The following CNOT4 variants were observed in gnomAD, a reference collection of about 807,000 sequenced individuals.
CNOT4 encodes the protein CCR4-NOT transcription complex subunit 4.
Under a neutral mutation model 73.8 loss-of-function variants are expected in CNOT4, and 8 were observed. The ratio of observed to expected loss-of-function variants is 0.11; its 90% CI spans 0.06 to 0.20. The LOEUF (loss-of-function observed/expected upper bound fraction) is 0.20, where lower values mean the gene tolerates loss of function less well. CNOT4 is among the 10% of genes least tolerant of loss of function. The pLI is 1.00. For synonymous variants in CNOT4, 293 were observed against 321.1 expected (o/e 0.91, Z 0.94); for missense variants, 564 against 883.4 (o/e 0.64, Z 4.58).
intron 1 of CNOT4, among the ~76,000 whole-genome samples, chr7:135,449,596 T>C (rs1258218948): frequency 6.6e-6 from 1 of 151,754 alleles, no homozygotes; most frequent in Non-Finnish European, 1.5e-5. Flanking sequence ...ATAATTAGAG[T>C]AACAGCAAGT....
intron 1 of CNOT4, among the ~76,000 whole-genome samples, chr7:135,463,905 A>G (rs1801048083): frequency 6.6e-6 from 1 of 151,982 alleles, no homozygotes; most frequent in Non-Finnish European, 1.5e-5. Flanking sequence ...GAAGACATAT[A>G]TGCCACCAAG....
chr7:135,469,997 A>G (rs573787153), intron 1 of CNOT4, among the ~76,000 whole-genome samples: 1 of 151,964 alleles, frequency 6.6e-6, no homozygotes, highest in East Asian at 1.9e-4. Context: ...AATTTTTTGT[A>G]TTTTTAGTAG....
At chr7:135,384,721 G>A (rs370170500) in intron 10 of CNOT4, 5 of 765,148 alleles carry the variant, frequency 6.5e-6, no homozygotes, top group Non-Finnish European at 1.2e-5. Flanking sequence ...AATTGGCTCT[G>A]TAAGGTCTGC....
At chr7:135,496,094 G>GT (rs1200201385) in intron 1 of CNOT4, among the ~76,000 whole-genome samples, 3 of 151,984 alleles carry the variant, frequency 2.0e-5, no homozygotes, top group East Asian at 1.9e-4. Context: ...AATAGTTTTT[G>GT]TTTTTTTGTT....
In CNOT4 at chr7:135,467,998, G is replaced by A. The variant is rs138567145; in HGVS notation, c.-92-29575C>T. Among the ~76,000 whole-genome samples the A allele has an allele frequency of 2.2e-3, 335 of 151,812 alleles. 1 individual carries two copies. The highest frequency in any genetic ancestry group is 7.1e-3 in the African/African-American group (296 of 41,444). On this transcript the variant is annotated intron_variant, in intron 1 of 11. Transcript: ENST00000541284. ...TGGGAGCTCGAGACGGGCGGCTCACGAGGTCAGAAGATTGAGACCATCCTG... is the reference window on the plus strand; with the variant it reads ...TGGGAGCTCGAGACGGGCGGCTCACAAGGTCAGAAGATTGAGACCATCCTG...
At chr7:135,500,863 G>T (rs993429080) in intron 1 of CNOT4, among the ~76,000 whole-genome samples, 5 of 152,030 alleles carry the variant, frequency 3.3e-5, no homozygotes, top group African/African-American at 1.2e-4. Context: ...TTTTACAAAT[G>T]AAGTATGTTC....
intron 10 of CNOT4, among the ~76,000 whole-genome samples, chr7:135,371,046 C>G (rs1032617242): frequency 6.6e-6 from 1 of 152,180 alleles, no homozygotes; most frequent in Non-Finnish European, 1.5e-5. Context: ...ACCCATTTTT[C>G]TACTTCAGCC....
intron 10 of CNOT4, among the ~76,000 whole-genome samples, chr7:135,369,825 G>A (rs1426548071): frequency 6.6e-6 from 1 of 152,152 alleles, no homozygotes; most frequent in Non-Finnish European, 1.5e-5. Flanking sequence ...TTTGAACAAA[G>A]TCTAAACTTC....
At chr7:135,386,238 A>G (rs771314423) in intron 10 of CNOT4, 10 of 151,810 alleles carry the variant, frequency 6.6e-5, no homozygotes, top group Non-Finnish European at 1.0e-4. Flanking sequence ...CTAGAAAAAA[A>G]TGGACATATG....
intron 10 of CNOT4, chr7:135,386,971 A>G: frequency 1.9e-6 from 1 of 522,944 alleles, no homozygotes. Context: ...AAAGGCTAAC[A>G]CTGAATGCTG....
chr7:135,495,718 G>A (rs552649289), intron 1 of CNOT4, among the ~76,000 whole-genome samples: 9 of 79,264 alleles, frequency 1.1e-4, no homozygotes, highest in Non-Finnish European at 1.8e-4. Flanking sequence ...AAGAAAGAAA[G>A]AAAGAAAGAA....
intron 1 of CNOT4, among the ~76,000 whole-genome samples, chr7:135,492,894 T>C (rs909290402): frequency 1.3e-5 from 2 of 152,134 alleles, no homozygotes; most frequent in African/African-American, 4.8e-5. Flanking sequence ...ACCATAGTGA[T>C]ATATATTGAA....
At chr7:135,438,048 A>T (rs950395012) in intron 2 of CNOT4, 110 bp downstream of exon 2, 6 of 574,404 alleles carry the variant, frequency 1.0e-5, no homozygotes, top group Non-Finnish European at 1.9e-5. Context: ...ATAAAATAAT[A>T]TAATCAGGTG....
chr7:135,504,187 T>C (rs1051000870), intron 1 of CNOT4, among the ~76,000 whole-genome samples: 4 of 152,176 alleles, frequency 2.6e-5, no homozygotes, highest in African/African-American at 7.2e-5. Context: ...TATTAAGAAA[T>C]GCTCCACCCC....
At chr7:135,477,139 C>T (rs142186250) in intron 1 of CNOT4, among the ~76,000 whole-genome samples, 181 of 152,132 alleles carry the variant, frequency 1.2e-3, no homozygotes, top group African/African-American at 4.0e-3. Context: ...GTCAGGAGTT[C>T]GAGGCCAGCC....
At chr7:135,504,918 G>A (rs1286861426) in intron 1 of CNOT4, among the ~76,000 whole-genome samples, 7 of 152,156 alleles carry the variant, frequency 4.6e-5, no homozygotes, top group African/African-American at 1.2e-4. Flanking sequence ...GTGAGCCACC[G>A]TGCCCGGTCA....
At chr7:135,474,844 T>C (rs144254026) in intron 1 of CNOT4, among the ~76,000 whole-genome samples, 1 of 152,220 alleles carries the variant, frequency 6.6e-6, no homozygotes, top group Non-Finnish European at 1.5e-5. Context: ...ACACTGCTGA[T>C]GACATTACAA....
chr7:135,408,767 G>A (rs1389197674), intron 7 of CNOT4, among the ~76,000 whole-genome samples: 3 of 152,134 alleles, frequency 2.0e-5, no homozygotes, highest in South Asian at 2.1e-4. Flanking sequence ...GGGAGAACAG[G>A]CAAAGTCCAC....
chr7:135,495,427 C>A (rs898746160), intron 1 of CNOT4, among the ~76,000 whole-genome samples: 8 of 150,186 alleles, frequency 5.3e-5, no homozygotes, highest in African/African-American at 2.0e-4. Context: ...ATCGCTTGAA[C>A]CCGGGAGGCG....
Sources: gnomAD v4.1 joint callset for allele counts (sites outside exome capture counted in the v4.1 genomes callset) on GRCh38, gnomAD v4.1.1 for gene constraint, MANE v1.5 for transcripts, NCBI Gene and HGNC (gene_info 2026-07-23, HGNC 2026-07-21) for gene names.